The following RASEF variants were observed in gnomAD, a reference collection of about 807,000 sequenced individuals.
RASEF encodes the protein ras and EF-hand domain-containing protein.
RASEF carries 68 observed loss-of-function variants against 90.1 expected under a neutral mutation model. The ratio of observed to expected loss-of-function variants is 0.75; its 90% CI spans 0.62 to 0.92. The LOEUF is 0.92. RASEF is among the 40% of genes least tolerant of loss of function. The pLI is 0.00. For missense variants in RASEF, 949 were observed against 937.2 expected (o/e 1.01, Z -0.16); for synonymous variants, 331 against 345.2 (o/e 0.96, Z 0.46).
intron 15 of RASEF, 27 bp from the exon 16 acceptor site, chr9:82,990,494 A>C (rs1828792919): frequency 1.3e-6 from 2 of 1,529,876 alleles, no homozygotes; most frequent in East Asian, 4.5e-5. Context: ...CACACAATTA[A>C]ATGAAGCCCT....
Position 82,990,411 on chromosome 9 carries a change from C to T in RASEF, c.2097G>A (p.Glu699=), listed in dbSNP as rs1174190975. ...TTTACCGAGCAAGGTGCAGAACAGC[C>T]TCCACTATGTTAGAACCATCTTTGG... ...TSAKDGSNIV[E]AVLHLAREVK... is the part of the protein sequence containing the mutation. The change falls in exon 16 of 17, where the codon GAG becomes GAA. Residue 699 remains glutamate, a synonymous_variant. Coordinates refer to ENST00000376447, the MANE Select transcript of RASEF (RefSeq NM_152573.4). The T allele has an allele frequency of 6.2e-7, 1 of 1,613,748 alleles. No individual in the cohort carries two copies. Among genetic ancestry groups the T allele is most frequent in the African/African-American group, 1.3e-5 (1 of 75,022 alleles).
chr9:83,210,839 A>G, the RASEF span, among the ~76,000 whole-genome samples: 1 of 152,228 alleles, frequency 6.6e-6, no homozygotes, highest in African/African-American at 2.4e-5. Flanking sequence ...ATGGCCATCA[A>G]TGCTAAAACT....
At chr9:83,040,817 T>C (rs191117754) in intron 1 of RASEF, among the ~76,000 whole-genome samples, 17 of 152,278 alleles carry the variant, frequency 1.1e-4, no homozygotes, top group Admixed American at 6.5e-4. Flanking sequence ...GCAAGAAAAT[T>C]TGTTAGAATT....
chr9:83,217,611 T>C, the RASEF span, among the ~76,000 whole-genome samples: 1 of 152,208 alleles, frequency 6.6e-6, no homozygotes, highest in Non-Finnish European at 1.5e-5. Context: ...CCTGCTGCCA[T>C]GTAAGACATG....
At chr9:83,185,377 T>C in the RASEF span, among the ~76,000 whole-genome samples, 23 of 151,056 alleles carry the variant, frequency 1.5e-4, no homozygotes, top group Admixed American at 9.3e-4. Flanking sequence ...AATTTTTTTG[T>C]GGAGACCCTA....
intron 12 of RASEF, 131 bp downstream of exon 12, chr9:83,000,038 T>A: frequency 1.7e-6 from 1 of 591,260 alleles, no homozygotes; most frequent in Non-Finnish European, 2.9e-6. Flanking sequence ...CACACACACA[T>A]TTATATATGT....
chr9:83,048,681 T>C, intron 1 of RASEF: 6 of 985,462 alleles, frequency 6.1e-6, no homozygotes, highest in Non-Finnish European at 7.2e-6. Flanking sequence ...ACATTTACTT[T>C]TTCCATAGTG....
chr9:83,033,965 A>G (rs1241498592), intron 1 of RASEF, among the ~76,000 whole-genome samples: 1 of 152,214 alleles, frequency 6.6e-6, no homozygotes. Context: ...TTTTTCTCCC[A>G]TATGAGTTAA....
the RASEF span, among the ~76,000 whole-genome samples, chr9:83,083,381 C>T: frequency 7.9e-5 from 12 of 152,030 alleles, no homozygotes; most frequent in East Asian, 9.6e-4. Context: ...TGTACACATT[C>T]GACCATATTC....
intron 1 of RASEF, among the ~76,000 whole-genome samples, chr9:83,041,520 C>T (rs1004928111): frequency 7.2e-5 from 11 of 152,174 alleles, no homozygotes; most frequent in African/African-American, 2.2e-4. Context: ...CACATTTCCC[C>T]TTTGAAATAA....
the RASEF span, among the ~76,000 whole-genome samples, chr9:83,158,311 G>C: frequency 6.6e-6 from 1 of 151,778 alleles, no homozygotes; most frequent in African/African-American, 2.4e-5. Flanking sequence ...TAATTTAAAA[G>C]GATAATATTG....
chr9:83,114,074 C>T, the RASEF span, among the ~76,000 whole-genome samples: 2 of 152,160 alleles, frequency 1.3e-5, no homozygotes, highest in South Asian at 2.1e-4. Context: ...GACCGGCCAA[C>T]ACTTAGGGTG....
At chr9:83,123,581 C>T in the RASEF span, among the ~76,000 whole-genome samples, 8 of 136,652 alleles carry the variant, frequency 5.9e-5, no homozygotes, top group Non-Finnish European at 1.3e-4. Context: ...CAGAATCATT[C>T]GCAAGGAGCC....
At chr9:83,180,546 T>C in the RASEF span, among the ~76,000 whole-genome samples, 3 of 151,916 alleles carry the variant, frequency 2.0e-5, no homozygotes, top group African/African-American at 7.2e-5. Context: ...TCAACAAGTA[T>C]GGCATGAATC....
the RASEF span, among the ~76,000 whole-genome samples, chr9:83,119,172 A>ATT: frequency 1.9e-4 from 23 of 119,414 alleles, no homozygotes; most frequent in African/African-American, 6.4e-4. Flanking sequence ...CATGCGGGCT[A>ATT]TTTTTTTTTT....
the RASEF span, among the ~76,000 whole-genome samples, chr9:83,155,745 T>C: frequency 6.6e-6 from 1 of 152,198 alleles, no homozygotes. Flanking sequence ...GGTGGAACTA[T>C]AAAAGTACTA....
the RASEF span, among the ~76,000 whole-genome samples, chr9:83,112,021 C>A: frequency 1.3e-5 from 2 of 151,578 alleles, no homozygotes; most frequent in Non-Finnish European, 2.9e-5. Context: ...GGCAAATAAT[C>A]GAACTTATGA....
chr9:83,000,203 C>T lies in RASEF; in HGVS notation c.1689G>A (p.Lys563=), dbSNP rs752231088. 6.2e-7 allele frequency: 1 copy of T among 1,614,010 alleles called. No individual in the cohort carries two copies. The highest frequency in any genetic ancestry group is 8.5e-7 in the Non-Finnish European group (1 of 1,179,990). Residue 563 remains lysine, a synonymous_variant, in exon 12 of 17, where the codon AAG becomes AAA. Coordinates refer to ENST00000376447, the MANE Select transcript of RASEF (RefSeq NM_152573.4). ...CGCTTATATTTTCTCGAAATTCATT[C>T]TTGCAAAGTCTCATGAGGAAACTAG... ...GKSSFLMRLC[K]NEFRENISAT...
At chr9:83,032,590 A>C (rs1829667280) in intron 1 of RASEF, among the ~76,000 whole-genome samples, 1 of 152,232 alleles carries the variant, frequency 6.6e-6, no homozygotes. Context: ...TTGAATTATC[A>C]ATGTTTTAGA....
Sources: gnomAD v4.1 joint callset for allele counts (sites outside exome capture counted in the v4.1 genomes callset) on GRCh38, gnomAD v4.1.1 for gene constraint, MANE v1.5 for transcripts, NCBI Gene and HGNC (gene_info 2026-07-23, HGNC 2026-07-21) for gene names.